The following SPG11 variants were observed in gnomAD, a reference collection of about 807,000 sequenced individuals.
SPG11 encodes SPG11 vesicle trafficking associated, spatacsin, also known as spatacsin.
SPG11 carries 222 observed loss-of-function variants against 274.0 expected under a neutral mutation model. The ratio of observed to expected loss-of-function variants is 0.81; its 90% CI spans 0.73 to 0.91. The LOEUF (loss-of-function observed/expected upper bound fraction) is 0.91, where lower values mean the gene tolerates loss of function less well. Among genes scored for constraint, SPG11 ranks in the 40% least tolerant of loss-of-function variants. SPG11 has a pLI of 0.00. For synonymous variants in SPG11, 1,144 were observed against 1,039.7 expected, an observed-to-expected ratio of 1.10 and a Z score of -1.93; for missense variants, 3,114 against 2,872.7, an observed-to-expected ratio of 1.08 and a Z score of -1.92.
chr15:44,629,145 G>A, intron 9 of SPG11, 88 bp downstream of exon 9: 2 of 1,446,922 alleles, frequency 1.4e-6, no homozygotes, highest in Non-Finnish European at 1.9e-6. Flanking sequence ...CGTGCCACTG[G>A]TTTATGCTGT....
At chr15:44,605,318 A>G (rs1595871988) in intron 20 of SPG11, among the ~76,000 whole-genome samples, 1 of 152,200 alleles carries the variant, frequency 6.6e-6, no homozygotes, top group East Asian at 1.9e-4. Flanking sequence ...TAAATTCTAT[A>G]TATCAAAATT....
At position 44,570,929 on chromosome 15, in the gene SPG11, G is replaced by C. The variant is rs546875237; in HGVS notation, c.6344-271C>G. 1.1e-3 allele frequency among the ~76,000 whole-genome samples: 169 copies of C among 152,228 alleles called. 1 individual carries two copies. The highest frequency in any genetic ancestry group is 3.9e-3 in the African/African-American group (160 of 41,528). ...AAAAGGCCCCCAAAATGAGAACACA[G>C]CACCCTCGCCTTCTAAACATGGAGA... On this transcript the variant is annotated intron_variant, in intron 33 of 39. Transcript: ENST00000261866.
At position 44,648,933 on chromosome 15, in the gene SPG11, C is replaced by T. The variant is rs976041926; in HGVS notation, c.1535G>A (p.Ser512Asn). 1 of 1,613,978 alleles carries T rather than the reference C, an allele frequency of 6.2e-7. No homozygotes were observed. The change falls in exon 7 of 40, where the codon AGC (serine) becomes AAC (asparagine). Residue 512 changes from serine to asparagine, a missense_variant. Transcript: ENST00000261866. ...GAGATGACAAAGAGTGTCCACAGTGCTGGCACTTCCATGGATCATGAGTCT... is the reference window on the plus strand; with the variant it reads ...GAGATGACAAAGAGTGTCCACAGTGTTGGCACTTCCATGGATCATGAGTCT... ...LNRLMIHGSA[S>N]TVDTLCHLNG...
Position 44,597,110 on chromosome 15 carries a change from CTT to C in SPG11, c.4002-169_4002-168del, listed in dbSNP as rs201600828. 18,837 of 327,064 alleles carry C rather than the reference CTT, an allele frequency of 0.058. 39 individuals carry two copies. Among genetic ancestry groups the C allele is most frequent in the South Asian group, 0.079 (2,969 of 37,526 alleles). 20.3% of individuals were successfully genotyped at this position (327,064 alleles called of 1,614,324 possible). A position where few individuals can be genotyped will look rare whatever the true frequency, so the allele number is the denominator to read the frequency against. On this transcript the variant is annotated intron_variant, in intron 23 of 39. Coordinates refer to ENST00000261866, the MANE Select transcript of SPG11 (RefSeq NM_025137.4). ...TAGGCTACTTTGAAAAAAGTAGATT[CTT>C]TTTTTTTTTTTTTTTTTTGAGACAG...
At chr15:44,635,916 A>AT (rs1302475891) in intron 7 of SPG11, among the ~76,000 whole-genome samples, 2 of 150,648 alleles carry the variant, frequency 1.3e-5, no homozygotes, top group Non-Finnish European at 3.0e-5. Context: ...GACTCCACCT[A>AT]TAAAAAAAAA....
chr15:44,572,259 T>C (rs1306141502), intron 33 of SPG11, among the ~76,000 whole-genome samples: 1 of 152,214 alleles, frequency 6.6e-6, no homozygotes, highest in Non-Finnish European at 1.5e-5. Context: ...AGAGAACTTA[T>C]CACACATTCT....
intron 31 of SPG11, among the ~76,000 whole-genome samples, chr15:44,574,314 A>G (rs890120630): frequency 3.9e-5 from 6 of 152,174 alleles, no homozygotes; most frequent in Non-Finnish European, 8.8e-5. Context: ...TGATTTTTAA[A>G]AATATTATGA....
rs139373682 is a variant in SPG11 at position 44,634,638 on chromosome 15, G to A, written c.1603-1001C>T. 7.3e-3 allele frequency among the ~76,000 whole-genome samples: 1,116 copies of A among 152,102 alleles called. 16 individuals carry two copies. Among genetic ancestry groups the A allele is most frequent in the African/African-American group, 0.023 (962 of 41,506 alleles). On this transcript the variant is annotated intron_variant, in intron 7 of 39. Transcript: ENST00000261866. ...GTCTTGCTCTGTCGCCCAGGCTGGA[G>A]TGCAGTGGTTTCATCTTGGCTCACT... is the stretch of plus-strand genomic sequence containing the variant.
At chr15:44,611,510 G>A (rs2083459269) in intron 17 of SPG11, among the ~76,000 whole-genome samples, 1 of 152,158 alleles carries the variant, frequency 6.6e-6, no homozygotes, top group South Asian at 2.1e-4. Flanking sequence ...GTCACAGTGA[G>A]TAGAGACTAG....
rs749982645 is a variant in SPG11 at position 44,621,658 on chromosome 15, G to T, written c.2620+101C>A. The T allele has an allele frequency of 4.3e-6, 5 of 1,162,628 alleles. No individual in the cohort carries two copies. The African/African-American group carries it at 6.1e-5, about 14-fold the overall frequency. The allele number at this position is 1,162,628 out of a possible 1,614,324, so 72.0% of individuals were successfully genotyped here. ...TTAAAGAACCTGAATATTATTTCCCGAAAGGAATTCTAAAATTGAGACACA... is the reference window on the plus strand; with the variant it reads ...TTAAAGAACCTGAATATTATTTCCCTAAAGGAATTCTAAAATTGAGACACA... On this transcript the variant is annotated intron_variant, in intron 14 of 39. Coordinates refer to ENST00000261866, the MANE Select transcript of SPG11 (RefSeq NM_025137.4).
At chr15:44,633,359 A>AG (rs1567177912) in intron 8 of SPG11, 146 bp downstream of exon 8, 20 of 356,644 alleles carry the variant, frequency 5.6e-5, no homozygotes, top group South Asian at 2.9e-4. Flanking sequence ...AAAAAAAAAA[A>AG]AAAGAAAGTT....
intron 20 of SPG11, among the ~76,000 whole-genome samples, chr15:44,604,659 T>C (rs2140991150): frequency 6.6e-6 from 1 of 152,128 alleles, no homozygotes; most frequent in East Asian, 1.9e-4. Context: ...TTGGGTGCGG[T>C]GGCTCACGCC....
Position 44,613,650 on chromosome 15 carries a change from G to C in SPG11, c.3039-114C>G, listed in dbSNP as rs1595882217. 8.7e-6 allele frequency: 6 copies of C among 691,050 alleles called. No homozygotes were observed. The East Asian group carries it at 1.7e-4, about 20-fold the overall frequency. The allele number at this position is 691,050 out of a possible 1,614,324, so 42.8% of individuals were successfully genotyped here. A position where few individuals can be genotyped will look rare whatever the true frequency, so the allele number is the denominator to read the frequency against. ...AAAAAAAGAATCTTGGAATTAAAAA[G>C]TAAATATAACACAAAATACTCCCAC... On this transcript the variant is annotated intron_variant, in intron 16 of 39. Coordinates refer to ENST00000261866, the MANE Select transcript of SPG11 (RefSeq NM_025137.4).
At chr15:44,582,526 C>T (rs1045633817) in intron 30 of SPG11, among the ~76,000 whole-genome samples, 2 of 152,032 alleles carry the variant, frequency 1.3e-5, no homozygotes, top group Non-Finnish European at 2.9e-5. Context: ...CTGGCCTGGG[C>T]GACAGAGGGA....
Position 44,652,244 on chromosome 15 carries a change from A to G in SPG11, c.892T>C (p.Cys298Arg), listed in dbSNP as rs762486236. The G allele has an allele frequency of 3.1e-6, 5 of 1,614,092 alleles. No homozygotes were observed. In the East Asian group the frequency reaches 8.9e-5, roughly 29 times the overall value. The change falls in exon 5 of 40, where the codon TGT (cysteine) becomes CGT (arginine). Residue 298 changes from cysteine to arginine, a missense_variant. By Grantham distance (180) the Cys-to-Arg change is radical. Transcript: ENST00000261866. ...YFRQHPGHLL[C>R]ERILEDLPIQ... ...GGAAGATCTTCTAGTATTCTTTCAC[A>G]CAGTAGGTGTCCTGGGTGTTGCCTA...
chr15:44,636,611 G>A (rs968827931), intron 7 of SPG11, among the ~76,000 whole-genome samples: 5 of 151,834 alleles, frequency 3.3e-5, no homozygotes, highest in Admixed American at 1.3e-4. Flanking sequence ...GCAGTGAGCC[G>A]AGATCGTGCC....
chr15:44,598,531 C>G, intron 22 of SPG11, 100 bp downstream of exon 22: 1 of 1,359,536 alleles, frequency 7.4e-7, no homozygotes, highest in African/African-American at 1.4e-5. Context: ...AGGATAAAAC[C>G]AAGAAGATAA....
Position 44,660,437 on chromosome 15 carries a change from T to A in SPG11, c.437A>T (p.Asp146Val), listed in dbSNP as rs182535774. The A allele has an allele frequency of 1.9e-6, 3 of 1,613,392 alleles. No homozygotes were observed. In the East Asian group the frequency reaches 6.7e-5, roughly 36 times the overall value. Reference sequence around the variant, plus strand: ...GACCACCTGTAGATACTTACTGATATCTTGATCGTCAATGAGCTTTTGCAA... The same window carrying A: ...GACCACCTGTAGATACTTACTGATAACTTGATCGTCAATGAGCTTTTGCAA... ...EALQKLIDDQ[D>V]ISISLLSLRI... Residue 146 changes from aspartate to valine, a missense_variant, in exon 2 of 40, where the codon GAT (aspartate) becomes GTT (valine). Asp to Val is a radical substitution (Grantham distance 152). Coordinates refer to ENST00000261866, the MANE Select transcript of SPG11 (RefSeq NM_025137.4).
In SPG11 at chr15:44,610,833, T is replaced by C; in HGVS notation, c.3291+7A>G. 2 of 1,613,760 alleles carry C rather than the reference T, an allele frequency of 1.2e-6. No homozygotes were observed. Among genetic ancestry groups the C allele is most frequent in the Non-Finnish European group, 1.7e-6 (2 of 1,179,712 alleles). ...AGTCCTATTTTGTCATAAAGTGCTATCCATACCTGACTGACACCCCCAGGA... is the reference window on the plus strand; with the variant it reads ...AGTCCTATTTTGTCATAAAGTGCTACCCATACCTGACTGACACCCCCAGGA... On this transcript the variant is annotated splice_region_variant and intron_variant, in intron 18 of 39. Transcript: ENST00000261866.
Sources: allele counts gnomAD v4.1 joint callset (sites outside exome capture counted in the v4.1 genomes callset), GRCh38; gene constraint gnomAD v4.1.1; transcripts MANE v1.5; gene names NCBI Gene and HGNC (gene_info 2026-07-23, HGNC 2026-07-21).